The following GALNT14 variants were observed in gnomAD, a reference collection of about 807,000 sequenced individuals.
The protein encoded by GALNT14 is UDP-GalNAc:polypeptide N-acetylgalactosaminyltransferase 14.
A neutral mutation model predicts 77.5 loss-of-function variants in GALNT14; 60 were observed. That is an observed-to-expected ratio of 0.77 (90% confidence interval 0.63 to 0.96). The LOEUF (loss-of-function observed/expected upper bound fraction) is 0.96, where lower values mean the gene tolerates loss of function less well. Ranked by LOEUF, GALNT14 falls within the 40% of genes least tolerant of loss-of-function variation. The pLI is 0.00. For synonymous variants in GALNT14, 280 were observed against 281.7 expected, an observed-to-expected ratio of 0.99 and a Z score of 0.06; for missense variants, 710 against 731.0, an observed-to-expected ratio of 0.97 and a Z score of 0.33.
chr2:30,900,452 T>G, the GALNT14 span, among the ~76,000 whole-genome samples: 1 of 152,332 alleles, frequency 6.6e-6, no homozygotes, highest in South Asian at 2.1e-4. Context: ...TTTAAAACTT[T>G]AACGTTTGAT....
chr2:31,109,990 T>A (rs1677756261), intron 1 of GALNT14, among the ~76,000 whole-genome samples: 2 of 152,238 alleles, frequency 1.3e-5, no homozygotes, highest in South Asian at 4.1e-4. Context: ...TGGTTCACAG[T>A]CCCCACTCTC....
At chr2:31,029,234 A>G (rs900057420) in intron 1 of GALNT14, among the ~76,000 whole-genome samples, 1 of 152,068 alleles carries the variant, frequency 6.6e-6, no homozygotes, top group Non-Finnish European at 1.5e-5. Flanking sequence ...AAGCTCTATG[A>G]CTCTTATTTA....
chr2:31,030,617 G>T (rs1172360324), intron 1 of GALNT14, among the ~76,000 whole-genome samples: 2 of 152,170 alleles, frequency 1.3e-5, no homozygotes, highest in South Asian at 2.1e-4. Flanking sequence ...AAACCCTCAT[G>T]TCTGCCATCT....
chr2:30,909,581 G>C (rs967921837), downstream of GALNT14, among the ~76,000 whole-genome samples: 9 of 150,662 alleles, frequency 6.0e-5, no homozygotes, highest in African/African-American at 2.2e-4. Flanking sequence ...AGAGGATGTG[G>C]AGAAATAGGA....
rs1368839892 is a variant in GALNT14 at position 30,944,912 on chromosome 2, TC to T, written c.772del (p.Glu258SerfsTer23). On this transcript the variant is annotated frameshift_variant, in exon 8 of 15. Transcript: ENST00000349752. LOFTEE classifies it high-confidence loss of function. ...AGCCTTCTGCTCTGGGGAGAGCTGC[TC>T]CCACTGGAAGTGGAGGCTCCAGTCA... ...GFDWSLHFQW[E>X]QLSPEQKARR... 2 of 1,610,686 alleles carry T rather than the reference TC, an allele frequency of 1.2e-6. No homozygotes were observed. Among genetic ancestry groups the T allele is most frequent in the Non-Finnish European group, 1.7e-6 (2 of 1,177,728 alleles).
chr2:30,944,355 G>A (rs558718111), intron 8 of GALNT14, among the ~76,000 whole-genome samples: 1 of 152,334 alleles, frequency 6.6e-6, no homozygotes, highest in African/African-American at 2.4e-5. Flanking sequence ...CCCACAGCCT[G>A]GCAAAGAGCC....
At chr2:30,958,562 G>GA (rs2148325645) in intron 3 of GALNT14, 98 bp from the exon 4 acceptor site, 2 of 895,860 alleles carry the variant, frequency 2.2e-6, no homozygotes, top group Non-Finnish European at 3.6e-6. Context: ...TTTAAGGAAT[G>GA]AAAAATCAGA....
intron 1 of GALNT14, among the ~76,000 whole-genome samples, chr2:31,059,002 G>C (rs1674417080): frequency 1.3e-5 from 2 of 152,146 alleles, no homozygotes. Flanking sequence ...AAACAGAAAA[G>C]GCATTGAAGA....
intron 1 of GALNT14, among the ~76,000 whole-genome samples, chr2:31,131,226 ACTCT>A (rs956315234): frequency 4.0e-5 from 6 of 151,786 alleles, no homozygotes; most frequent in South Asian, 4.2e-4. Context: ...AGAAGGTGGG[ACTCT>A]CTCTATCTCC....
At position 31,007,409 on chromosome 2, in the gene GALNT14, G is replaced by T. The variant is rs574146576; in HGVS notation, c.130-14402C>A. On this transcript the variant is annotated intron_variant, in intron 1 of 14. Transcript: ENST00000349752. ...TACAGGGACATTTCCCTGACCTCGGGAAGCATAAGTAATTGCTCCCCAAAT... is the reference window on the plus strand; with the variant it reads ...TACAGGGACATTTCCCTGACCTCGGTAAGCATAAGTAATTGCTCCCCAAAT... Among the ~76,000 whole-genome samples, 176 of 152,254 alleles carry T rather than the reference G, an allele frequency of 1.2e-3. 1 individual carries two copies. Among genetic ancestry groups the T allele is most frequent in the Non-Finnish European group, 1.8e-3 (121 of 68,022 alleles).
intron 13 of GALNT14, among the ~76,000 whole-genome samples, chr2:30,917,070 C>A (rs1664723154): frequency 1.1e-5 from 1 of 91,258 alleles, no homozygotes; most frequent in Admixed American, 1.1e-4. Context: ...GAGTAAGACT[C>A]CGTCTCAAAA....
chr2:31,074,771 A>G (rs1675653621), intron 1 of GALNT14, among the ~76,000 whole-genome samples: 2 of 152,152 alleles, frequency 1.3e-5, no homozygotes, highest in African/African-American at 2.4e-5. Context: ...ACAATATTCT[A>G]TTGGCCAAAG....
intron 1 of GALNT14, among the ~76,000 whole-genome samples, chr2:31,034,558 G>GTT (rs146528824): frequency 1.3e-5 from 2 of 149,890 alleles, no homozygotes; most frequent in South Asian, 2.1e-4. Flanking sequence ...TAGTTGTTTT[G>GTT]TTTTTTTTTG....
intron 1 of GALNT14, among the ~76,000 whole-genome samples, chr2:31,116,914 G>C: frequency 1.3e-5 from 2 of 152,188 alleles, no homozygotes. Context: ...GCGCATGCCT[G>C]TAATCCCAGC....
chr2:31,021,493 A>C (rs1429083321), intron 1 of GALNT14, among the ~76,000 whole-genome samples: 4 of 151,704 alleles, frequency 2.6e-5, no homozygotes, highest in Non-Finnish European at 4.4e-5. Flanking sequence ...TTTAGTAGAG[A>C]CAGGGTTTTG....
chr2:31,101,920 C>T (rs1289767289), intron 1 of GALNT14, among the ~76,000 whole-genome samples: 1 of 152,028 alleles, frequency 6.6e-6, no homozygotes, highest in East Asian at 1.9e-4. Context: ...TTATAAGGGG[C>T]TTCCCCATTC....
chr2:31,069,946 C>T (rs1675240099), intron 1 of GALNT14, among the ~76,000 whole-genome samples: 2 of 152,084 alleles, frequency 1.3e-5, no homozygotes, highest in Non-Finnish European at 2.9e-5. Flanking sequence ...AGAAATGCAT[C>T]AAAGCTGGCC....
chr2:31,079,725 C>T (rs987463021), intron 1 of GALNT14, among the ~76,000 whole-genome samples: 1 of 152,170 alleles, frequency 6.6e-6, no homozygotes, highest in Non-Finnish European at 1.5e-5. Context: ...TCTGGCACAA[C>T]ACAAAGTGGT....
At chr2:31,037,816 T>C (rs1194425015) in intron 1 of GALNT14, among the ~76,000 whole-genome samples, 1 of 151,872 alleles carries the variant, frequency 6.6e-6, no homozygotes, top group African/African-American at 2.4e-5. Flanking sequence ...TGTGTGTGTG[T>C]TGGAGCACAC....
Sources: gnomAD v4.1 joint callset for allele counts (sites outside exome capture counted in the v4.1 genomes callset) on GRCh38, gnomAD v4.1.1 for gene constraint, MANE v1.5 for transcripts, NCBI Gene and HGNC (gene_info 2026-07-23, HGNC 2026-07-21) for gene names.